Variants in WDR90 observed in about 807,000 individuals in gnomAD.
The protein encoded by WDR90 is WD repeat domain 90.
A neutral mutation model predicts 195.2 loss-of-function variants in WDR90; 238 were observed. The ratio of observed to expected loss-of-function variants is 1.22; its 90% CI spans 1.10 to 1.36. WDR90 has a LOEUF of 1.36. WDR90 is among the 40% of genes most tolerant of loss of function. WDR90 has a pLI of 0.00. For missense variants in WDR90, 2,734 were observed against 2,439.5 expected, an observed-to-expected ratio of 1.12 and a Z score of -2.54; for synonymous variants, 1,265 against 1,052.4, an observed-to-expected ratio of 1.20 and a Z score of -3.91.
chr16:661,421 G>A lies in WDR90; in HGVS notation c.3593G>A (p.Cys1198Tyr). Reference sequence around the variant, plus strand: ...GTCTGGGACGTGTCTGGCGGCCTCTGCCAGCATCTCATTTTCCCCCATAGC... The same window carrying A: ...GTCTGGGACGTGTCTGGCGGCCTCTACCAGCATCTCATTTTCCCCCATAGC... ...IRVWDVSGGL[C>Y]QHLIFPHSTT... Residue 1198 changes from cysteine to tyrosine, a missense_variant, in exon 30 of 41, where the codon TGC (cysteine) becomes TAC (tyrosine). By Grantham distance (194) the Cys-to-Tyr change is radical. Transcript: ENST00000293879. 6.2e-7 allele frequency: 1 copy of A among 1,612,396 alleles called. No homozygotes were observed. The highest frequency in any genetic ancestry group is 1.1e-5 in the South Asian group (1 of 91,036).
chr16:660,822 A>G, intron 28 of WDR90, 108 bp downstream of exon 28: 1 of 1,251,438 alleles, frequency 8.0e-7, no homozygotes, highest in Non-Finnish European at 1.1e-6. Context: ...GCCAGCCATC[A>G]GTGTGGGGCT....
intron 27 of WDR90, 147 bp from the exon 28 acceptor site, chr16:660,465 A>G (rs1029849952): frequency 2.1e-5 from 17 of 817,206 alleles, no homozygotes; most frequent in African/African-American, 1.0e-4. Context: ...CACAGCTCCC[A>G]CACCTCCTAC....
chr16:656,818 T>C lies in WDR90; in HGVS notation c.2289T>C (p.Ser763=), dbSNP rs769766482. The C allele has an allele frequency of 6.2e-7, 1 of 1,612,990 alleles. No individual in the cohort carries two copies. The highest frequency in any genetic ancestry group is 8.5e-7 in the Non-Finnish European group (1 of 1,179,948). The part of the protein sequence containing the change: ...TRPTFFCGFS[S]GAVRSFSLEA... ...CAACCTTTTTCTGTGGCTTTAGCAG[T>C]GGGGCCGTGCGCTCCTTCAGCCTGG... The change falls in exon 19 of 41, where the codon AGT becomes AGC. Residue 763 remains serine, a synonymous_variant. Transcript: ENST00000293879.
chr16:665,639 C>G (rs1217280625), intron 34 of WDR90, 40 bp from the exon 35 acceptor site: 5 of 1,612,098 alleles, frequency 3.1e-6, no homozygotes, highest in Non-Finnish European at 3.4e-6. Flanking sequence ...TTACCCTGCC[C>G]AGGGGCCAAC....
Position 650,703 on chromosome 16 carries a change from G to A in WDR90, c.553G>A (p.Glu185Lys), listed in dbSNP as rs770599891. 17 of 1,606,396 alleles carry A rather than the reference G, an allele frequency of 1.1e-5. No homozygotes were observed. In the East Asian group the frequency reaches 1.1e-4, roughly 11 times the overall value. Reference sequence around the variant, plus strand: ...CCTGTACACCAGTGACCTGTGCTTTGAGCCTGGTGAGGGCCGCACCTGCAC... The same window carrying A: ...CCTGTACACCAGTGACCTGTGCTTTAAGCCTGGTGAGGGCCGCACCTGCAC... ...RNLYTSDLCF[E>K]PAISGAQWAK... The change falls in exon 5 of 41, where the codon GAG (glutamate) becomes AAG (lysine). Residue 185 changes from glutamate (E) to lysine (K), a missense_variant. Glu to Lys is a moderately conservative substitution (Grantham distance 56). Transcript: ENST00000293879.
At chr16:649,575 T>C (rs2037595904) in intron 1 of WDR90, 149 bp downstream of exon 1, 13 of 1,177,346 alleles carry the variant, frequency 1.1e-5, no homozygotes, top group South Asian at 2.7e-5. Context: ...GCGCCCACCC[T>C]CGGGCTCCCG....
At chr16:653,716 C>T (rs748230910) in intron 12 of WDR90, 30 bp from the exon 13 acceptor site, 75 of 1,613,194 alleles carry the variant, frequency 4.6e-5, no homozygotes, top group Non-Finnish European at 5.1e-5. Context: ...TCAGCCCAGG[C>T]GACAATGACC....
intron 16 of WDR90, 30 bp from the exon 17 acceptor site, chr16:655,743 A>G (rs1280428264): frequency 6.3e-7 from 1 of 1,581,988 alleles, no homozygotes; most frequent in Non-Finnish European, 8.6e-7. Flanking sequence ...TGGCAGGGAC[A>G]CCGAGGCACT....
At chr16:652,396 C>T (rs981047003) in intron 9 of WDR90, 71 bp from the exon 10 acceptor site, 4 of 1,521,108 alleles carry the variant, frequency 2.6e-6, no homozygotes, top group Non-Finnish European at 3.6e-6. Flanking sequence ...GTTGGCGGGG[C>T]TCGGAGTTGG....
chr16:656,319 A>G lies in WDR90; in HGVS notation c.1984A>G (p.Ser662Gly). Residue 662 changes from serine to glycine, a missense_variant, in exon 18 of 41, where the codon AGC (serine) becomes GGC (glycine). Ser to Gly is a moderately conservative substitution (Grantham distance 56). Transcript: ENST00000293879. ...ACCCACAGAGCACGAGGGCCCCGTC[A>G]GCTCAGTCTGTGTCAGCCCCGATGG... ...LLEAEHEGPV[S>G]SVCVSPDGLR... is the part of the protein sequence containing the mutation. The G allele has an allele frequency of 6.2e-7, 1 of 1,607,882 alleles. No homozygotes were observed. The highest frequency in any genetic ancestry group is 8.5e-7 in the Non-Finnish European group (1 of 1,178,850).
Position 655,778 on chromosome 16 carries a change from G to A in WDR90, c.1855G>A (p.Gly619Ser), listed in dbSNP as rs755668024. 8.2e-6 allele frequency: 13 copies of A among 1,587,640 alleles called. No homozygotes were observed. Among genetic ancestry groups the A allele is most frequent in the Middle Eastern group, 1.7e-4 (1 of 6,034 alleles). Reference protein sequence around the residue: ...PQKQTFSSGPGIAISSLSVSP... With the variant: ...PQKQTFSSGPSIAISSLSVSP... ...TGACGCCTCCCTGCCCCCAGGCCCC[G>A]GCATTGCCATCAGCAGCCTCAGCGT... Residue 619 changes from glycine to serine, a missense_variant, in exon 17 of 41, where the codon GGC (glycine) becomes AGC (serine). By Grantham distance (56) the Gly-to-Ser change is moderately conservative. Coordinates refer to ENST00000293879, the MANE Select transcript of WDR90 (RefSeq NM_145294.5).
intron 32 of WDR90, 80 bp downstream of exon 32, chr16:662,139 A>G: frequency 1.3e-6 from 2 of 1,543,526 alleles, no homozygotes; most frequent in Non-Finnish European, 8.7e-7. Flanking sequence ...CCTCATCTGT[A>G]GCCCTGGCGT....
chr16:660,152 C>T lies in WDR90; in HGVS notation c.3279C>T (p.His1093=). The change falls in exon 27 of 41, where the codon CAC becomes CAT. Residue 1093 remains histidine, a synonymous_variant. Coordinates refer to ENST00000293879, the MANE Select transcript of WDR90 (RefSeq NM_145294.5). ...FTPARVSCSP[H]SAKGTCPPPA... ...CTGCCAGGGTCAGCTGCAGCCCCCA[C>T]TCTGCCAAGGTGGGGAGTGGTTTCT... is the stretch of plus-strand genomic sequence containing the variant. 2 of 1,533,008 alleles carry T rather than the reference C, an allele frequency of 1.3e-6. No homozygotes were observed. Among genetic ancestry groups the T allele is most frequent in the South Asian group, 1.2e-5 (1 of 82,982 alleles). 95.0% of individuals were successfully genotyped at this position (1,533,008 alleles called of 1,614,324 possible).
At chr16:665,522 C>T (rs918307794) in intron 34 of WDR90, 157 bp from the exon 35 acceptor site, 7 of 1,166,864 alleles carry the variant, frequency 6.0e-6, no homozygotes, top group Non-Finnish European at 8.7e-6. Flanking sequence ...CACACGGGGG[C>T]CGGCATTGCT....
At position 661,117 on chromosome 16, in the gene WDR90, A is replaced by G; in HGVS notation, c.3458A>G (p.His1153Arg). The change falls in exon 29 of 41, where the codon CAC (histidine) becomes CGC (arginine). Residue 1153 changes from histidine to arginine, a missense_variant. Transcript: ENST00000293879. The stretch of plus-strand genomic sequence containing the variant: ...GACCTGCACTCTGGCGCCCAGCAGC[A>G]CTGGTCCGGCCACTCTGCGGAGATC... ...VEDLHSGAQQ[H>R]WSGHSAEIST... is the part of the protein sequence containing the mutation. 6.4e-7 allele frequency: 1 copy of G among 1,558,132 alleles called. No individual in the cohort carries two copies.
chr16:651,724 G>A lies in WDR90; in HGVS notation c.817G>A (p.Val273Ile). The A allele has an allele frequency of 1.9e-6, 3 of 1,613,084 alleles. No homozygotes were observed. Among genetic ancestry groups the A allele is most frequent in the Non-Finnish European group, 2.5e-6 (3 of 1,180,000 alleles). ...TGTGCGGTTCAGTGTGTCTCCAGTG[G>A]TCCAGACGCCCAGCCCCACAGCCGT... ...KPVRFSVSPV[V>I]QTPSPTASGR... is the part of the protein sequence containing the mutation. Residue 273 changes from valine to isoleucine, a missense_variant, in exon 8 of 41, where the codon GTC becomes ATC. Transcript: ENST00000293879.
intron 1 of WDR90, 145 bp downstream of exon 1, chr16:649,571 A>ACCCTCGGGCTCCCGGAGCTTGGCTT (rs1284538271): frequency 2.5e-6 from 3 of 1,178,300 alleles, no homozygotes; most frequent in Non-Finnish European, 2.2e-6. Context: ...CCGGGCGCCC[A>ACCCTCGGGCTCCCGGAGCTTGGCTT]CCCTCGGGCT....
intron 26 of WDR90, 91 bp downstream of exon 26, chr16:659,467 T>C: frequency 6.7e-7 from 1 of 1,495,222 alleles, no homozygotes; most frequent in Non-Finnish European, 9.0e-7. Context: ...CACGTCCAGC[T>C]CTGGGGTGCA....
Position 651,922 on chromosome 16 carries a change from T to TAGCCTTG in WDR90, c.941_947dup (p.Trp317Ter), listed in dbSNP as rs1264065378. Reference sequence around the variant, plus strand: ...CCAACGCGGATGGCCCCGGTTTCCATAGCCTTGAGCCCTGGGCCCAGCTGG... The same window carrying TAGCCTTG: ...CCAACGCGGATGGCCCCGGTTTCCATAGCCTTGAGCCTTGAGCCCTGGGCCCAGCTGG... On this transcript the variant is annotated frameshift_variant, in exon 9 of 41. Transcript: ENST00000293879. LOFTEE classifies it high-confidence loss of function. 6.2e-7 allele frequency: 1 copy of TAGCCTTG among 1,610,408 alleles called. No individual in the cohort carries two copies. Among genetic ancestry groups the TAGCCTTG allele is most frequent in the Admixed American group, 1.7e-5 (1 of 59,802 alleles).
Sources: gnomAD v4.1 joint callset for allele counts on GRCh38, gnomAD v4.1.1 for gene constraint, MANE v1.5 for transcripts, NCBI Gene and HGNC (gene_info 2026-07-23, HGNC 2026-07-21) for gene names.